The following USP40 variants were observed in gnomAD, a reference collection of about 807,000 sequenced individuals.
The protein encoded by USP40 is ubiquitin specific peptidase 40.
USP40 carries 143 observed loss-of-function variants against 166.2 expected under a neutral mutation model. The observed-to-expected ratio is 0.86, with a 90% CI of 0.75 to 0.99. USP40 has a LOEUF of 0.99. USP40 is among the 50% of genes least tolerant of loss of function. USP40 has a pLI of 0.00. For missense variants in USP40, 1,444 were observed against 1,479.7 expected (o/e 0.98, Z 0.40); for synonymous variants, 498 against 524.0 (o/e 0.95, Z 0.68).
At chr2:233,488,885 C>T (rs773574775) in intron 27 of USP40, among the ~76,000 whole-genome samples, 6 of 151,324 alleles carry the variant, frequency 4.0e-5, no homozygotes, top group South Asian at 2.1e-4. Flanking sequence ...CCAGCCTGGG[C>T]GACAGAGCCA....
intron 26 of USP40, 117 bp from the exon 27 acceptor site, chr2:233,489,600 A>C: frequency 1.3e-6 from 1 of 772,898 alleles, no homozygotes; most frequent in African/African-American, 1.8e-5. Flanking sequence ...AGAGTATCTC[A>C]AGTAATGATA....
chr2:233,557,345 C>T (rs1258976206), intron 4 of USP40, among the ~76,000 whole-genome samples: 2 of 152,182 alleles, frequency 1.3e-5, no homozygotes, highest in South Asian at 4.1e-4. Flanking sequence ...AGGCACAGAC[C>T]AGTGTCTAAG....
chr2:233,551,161 A>G (rs1435832183), intron 7 of USP40, among the ~76,000 whole-genome samples: 14 of 152,314 alleles, frequency 9.2e-5, no homozygotes, highest in Non-Finnish European at 1.9e-4. Context: ...AGGGGGAGTG[A>G]GGCTGCTACT....
At chr2:233,566,151 T>TGGGGAGGGAGGGGGGAAGGGGA (rs2072123162) in intron 1 of USP40, among the ~76,000 whole-genome samples, 1 of 93,418 alleles carries the variant, frequency 1.1e-5, no homozygotes, top group African/African-American at 4.1e-5. Flanking sequence ...GTCAGTTCAC[T>TGGGGAGGGAGGGGGGAAGGGGA]GGGGAGGGAG....
At chr2:233,513,772 T>C (rs1353940775) in intron 18 of USP40, among the ~76,000 whole-genome samples, 1 of 152,058 alleles carries the variant, frequency 6.6e-6, no homozygotes, top group African/African-American at 2.4e-5. Context: ...AGAATATATT[T>C]CCTCAAGATC....
intron 15 of USP40, 74 bp downstream of exon 15, chr2:233,524,418 C>A (rs2067872127): frequency 7.5e-7 from 1 of 1,326,118 alleles, no homozygotes; most frequent in East Asian, 2.6e-5. Flanking sequence ...GCATGAGCCA[C>A]CATGCCCGGC....
intron 27 of USP40, 79 bp from the exon 28 acceptor site, chr2:233,488,383 C>T: frequency 2.2e-6 from 3 of 1,363,476 alleles, no homozygotes; most frequent in Non-Finnish European, 3.0e-6. Context: ...CAATTTTAAG[C>T]TTTTTTCTTA....
intron 11 of USP40, among the ~76,000 whole-genome samples, chr2:233,531,276 ATATG>A (rs1355085494): frequency 1.3e-5 from 2 of 152,140 alleles, no homozygotes; most frequent in Non-Finnish European, 2.9e-5. Context: ...AACTTTATAA[ATATG>A]TTTTTACTGA....
intron 27 of USP40, among the ~76,000 whole-genome samples, chr2:233,488,864 G>A (rs549897457): frequency 5.3e-5 from 8 of 152,108 alleles, no homozygotes; most frequent in Admixed American, 3.3e-4. Flanking sequence ...CCATGATCAC[G>A]CCACTGCACT....
intron 8 of USP40, among the ~76,000 whole-genome samples, chr2:233,547,970 T>C (rs2070143696): frequency 6.6e-6 from 1 of 152,090 alleles, no homozygotes; most frequent in Non-Finnish European, 1.5e-5. Flanking sequence ...AGATCAAGAC[T>C]TATTACAAAG....
chr2:233,563,078 C>A (rs2071804400), intron 2 of USP40, among the ~76,000 whole-genome samples: 1 of 152,152 alleles, frequency 6.6e-6, no homozygotes, highest in Non-Finnish European at 1.5e-5. Context: ...CATCAGAAAT[C>A]TTTCATGGCT....
chr2:233,525,465 A>C lies in USP40; in HGVS notation c.1810+13T>G. 6.2e-7 allele frequency: 1 copy of C among 1,607,492 alleles called. No individual in the cohort carries two copies. The highest frequency in any genetic ancestry group is 8.5e-7 in the Non-Finnish European group (1 of 1,174,762). ...ATATAGAGTGAGTTGCTATGTTTTC[A>C]TATTTATCTTACCGCCAAGTGACTG... On this transcript the variant is annotated intron_variant, in intron 14 of 31. Coordinates refer to ENST00000678225, the MANE Select transcript of USP40 (RefSeq NM_001365479.2).
intron 11 of USP40, among the ~76,000 whole-genome samples, chr2:233,530,205 GACACAC>G (rs71058561): frequency 2.0e-5 from 3 of 149,266 alleles, no homozygotes; most frequent in Non-Finnish European, 4.5e-5. Context: ...TCACTCCCAA[GACACAC>G]ACACACACAC....
chr2:233,543,446 T>C (rs2069606559), intron 8 of USP40, among the ~76,000 whole-genome samples: 1 of 152,154 alleles, frequency 6.6e-6, no homozygotes, highest in Non-Finnish European at 1.5e-5. Context: ...AGATGAGGCC[T>C]CCAGATGTGC....
chr2:233,507,618 T>TA (rs142033382), intron 21 of USP40, among the ~76,000 whole-genome samples: 2,034 of 134,556 alleles, frequency 0.015, 36 homozygotes, highest in African/African-American at 0.045. Context: ...TGTGGAATCT[T>TA]AAAAAAAAAA....
chr2:233,559,683 G>A, intron 4 of USP40, 128 bp downstream of exon 4: 2 of 537,596 alleles, frequency 3.7e-6, no homozygotes, highest in East Asian at 3.2e-5. Flanking sequence ...TTTTTAATGT[G>A]AGAAGGAAAC....
In USP40 at chr2:233,485,800, G is replaced by C. The variant is rs542793420; in HGVS notation, c.3375C>G (p.Pro1125=). 4 of 1,612,162 alleles carry C rather than the reference G, an allele frequency of 2.5e-6. No homozygotes were observed. The highest frequency in any genetic ancestry group is 8.5e-7 in the Non-Finnish European group (1 of 1,179,424). ...VEKIEIAKYF[P]EKFEWLPISS... ...ATATCGGAAGCCACTCGAACTTTTC[G>C]GGAAAGTATTTGGCAATTTCAATCT... The change falls in exon 29 of 32, where the codon CCC becomes CCG. Residue 1125 remains proline, a synonymous_variant. Coordinates refer to ENST00000678225, the MANE Select transcript of USP40 (RefSeq NM_001365479.2).
At chr2:233,494,782 G>A (rs2065561260) in intron 24 of USP40, among the ~76,000 whole-genome samples, 1 of 140,156 alleles carries the variant, frequency 7.1e-6, no homozygotes, top group Non-Finnish European at 1.5e-5. Context: ...CTATGATCAT[G>A]CCACTGTACT....
intron 11 of USP40, among the ~76,000 whole-genome samples, chr2:233,532,878 A>G (rs887214375): frequency 1.3e-5 from 2 of 152,098 alleles, no homozygotes; most frequent in Non-Finnish European, 2.9e-5. Flanking sequence ...GCTGCAGTGA[A>G]CAATCATGCC....
Sources: gnomAD v4.1 joint callset for allele counts (sites outside exome capture counted in the v4.1 genomes callset) on GRCh38, gnomAD v4.1.1 for gene constraint, MANE v1.5 for transcripts, NCBI Gene and HGNC (gene_info 2026-07-23, HGNC 2026-07-21) for gene names.